The following ZBTB20 variants were observed in gnomAD, a reference collection of about 807,000 sequenced individuals.
ZBTB20 encodes zinc finger and BTB domain containing 20, also known as zinc finger and BTB domain-containing protein 20.
Under a neutral mutation model 56.9 loss-of-function variants are expected in ZBTB20, and 9 were observed. That is an observed-to-expected ratio of 0.16 (90% confidence interval 0.10 to 0.28). The LOEUF is 0.28. Ranked by LOEUF, ZBTB20 falls within the 10% of genes least tolerant of loss-of-function variation. The pLI is 1.00. For missense variants in ZBTB20, 655 were observed against 1,003.0 expected, an observed-to-expected ratio of 0.65 and a Z score of 4.69; for synonymous variants, 417 against 420.7, an observed-to-expected ratio of 0.99 and a Z score of 0.11.
At chr3:114,360,925 G>A (rs1474491255) in intron 10 of ZBTB20, among the ~76,000 whole-genome samples, 1 of 151,986 alleles carries the variant, frequency 6.6e-6, no homozygotes, top group African/African-American at 2.4e-5. Context: ...TGAAGAATAA[G>A]TGCTGTCAGA....
intron 5 of ZBTB20, among the ~76,000 whole-genome samples, chr3:114,709,940 T>G (rs1578459784): frequency 6.6e-6 from 1 of 152,184 alleles, no homozygotes; most frequent in South Asian, 2.1e-4. Flanking sequence ...ATGCCCTGAC[T>G]GCTCCTTACT....
At chr3:114,862,768 A>T (rs2075590779) in intron 4 of ZBTB20, among the ~76,000 whole-genome samples, 1 of 152,198 alleles carries the variant, frequency 6.6e-6, no homozygotes, top group Non-Finnish European at 1.5e-5. Flanking sequence ...TGAATTTTGA[A>T]ACACAACCTG....
At chr3:114,463,158 A>T (rs1010669312) in intron 7 of ZBTB20, among the ~76,000 whole-genome samples, 20 of 152,226 alleles carry the variant, frequency 1.3e-4, no homozygotes, top group African/African-American at 4.1e-4. Context: ...TGCCTTACCA[A>T]TCTTACAAAT....
chr3:115,146,501 G>A (rs1576847915), intron 1 of ZBTB20, among the ~76,000 whole-genome samples: 3 of 152,326 alleles, frequency 2.0e-5, no homozygotes, highest in South Asian at 2.1e-4. Flanking sequence ...ATCAAAAAGT[G>A]TTAACATGTT....
intron 5 of ZBTB20, among the ~76,000 whole-genome samples, chr3:114,746,140 C>A (rs1162361396): frequency 1.3e-5 from 2 of 152,190 alleles, no homozygotes; most frequent in Non-Finnish European, 2.9e-5. Context: ...AATTGAATAC[C>A]TACTGAAGCC....
intron 7 of ZBTB20, among the ~76,000 whole-genome samples, chr3:114,443,195 G>C (rs893895894): frequency 1.3e-5 from 2 of 152,088 alleles, no homozygotes; most frequent in Non-Finnish European, 2.9e-5. Flanking sequence ...GGCTGAAGAG[G>C]GAATCTATAA....
intron 6 of ZBTB20, among the ~76,000 whole-genome samples, chr3:114,662,396 T>A (rs1578214006): frequency 6.9e-6 from 1 of 145,386 alleles, no homozygotes; most frequent in East Asian, 2.0e-4. Flanking sequence ...GCAGCATGAT[T>A]TATAGTCCTT....
At chr3:114,432,039 C>T (rs573666997) in intron 7 of ZBTB20, among the ~76,000 whole-genome samples, 7 of 152,016 alleles carry the variant, frequency 4.6e-5, no homozygotes, top group Admixed American at 4.6e-4. Context: ...CTTTCTTATA[C>T]AGACAGCAGA....
intron 6 of ZBTB20, among the ~76,000 whole-genome samples, chr3:114,663,589 C>T (rs1398565038): frequency 1.3e-5 from 2 of 151,582 alleles, no homozygotes; most frequent in Non-Finnish European, 3.0e-5. Context: ...AAGACACAGA[C>T]TGGCAAGTTG....
intron 3 of ZBTB20, 170 bp from the exon 4 acceptor site, chr3:114,900,512 T>TATACACACACACACAC (rs549497546): frequency 6.9e-6 from 1 of 145,642 alleles, no homozygotes; most frequent in African/African-American, 2.5e-5. Context: ...TGAAAATATA[T>TATACACACACACACAC]ACACACACAC....
intron 7 of ZBTB20, among the ~76,000 whole-genome samples, chr3:114,441,616 C>T (rs936337211): frequency 4.6e-5 from 7 of 152,188 alleles, no homozygotes; most frequent in Middle Eastern, 3.4e-3. Flanking sequence ...GGGGACGACG[C>T]GCGGTGGAAT....
At chr3:114,490,768 T>C (rs2042657766) in intron 7 of ZBTB20, among the ~76,000 whole-genome samples, 2 of 152,380 alleles carry the variant, frequency 1.3e-5, no homozygotes, top group African/African-American at 2.4e-5. Flanking sequence ...CTCTCACATA[T>C]GTATGATGCA....
intron 6 of ZBTB20, among the ~76,000 whole-genome samples, chr3:114,689,181 C>A (rs2062544812): frequency 6.6e-6 from 1 of 152,136 alleles, no homozygotes; most frequent in Non-Finnish European, 1.5e-5. Flanking sequence ...CCAAAGTTCT[C>A]TCATTACGGT....
chr3:114,631,043 TA>T (rs1257307509), intron 6 of ZBTB20, among the ~76,000 whole-genome samples: 8 of 152,222 alleles, frequency 5.3e-5, no homozygotes, highest in African/African-American at 1.9e-4. Flanking sequence ...TAGAATATTT[TA>T]AAGTGACAGT....
intron 4 of ZBTB20, among the ~76,000 whole-genome samples, chr3:114,847,098 T>C (rs1019015099): frequency 2.0e-5 from 3 of 152,164 alleles, no homozygotes; most frequent in Admixed American, 2.0e-4. Flanking sequence ...ATGGTTTTAG[T>C]ACCACAACCA....
intron 3 of ZBTB20, among the ~76,000 whole-genome samples, chr3:114,962,266 A>C (rs2077481975): frequency 6.6e-6 from 1 of 152,088 alleles, no homozygotes; most frequent in African/African-American, 2.4e-5. Context: ...TTAAACCTAA[A>C]CTGTGGTTTA....
intron 2 of ZBTB20, among the ~76,000 whole-genome samples, chr3:115,061,866 T>C (rs546309619): frequency 1.3e-5 from 2 of 152,336 alleles, no homozygotes; most frequent in South Asian, 2.1e-4. Flanking sequence ...TGTGATTATA[T>C]CTGAGTATAT....
At chr3:114,981,974 C>T (rs2078347803) in intron 2 of ZBTB20, among the ~76,000 whole-genome samples, 2 of 152,094 alleles carry the variant, frequency 1.3e-5, no homozygotes, top group Middle Eastern at 6.8e-3. Context: ...GTGAATTGTT[C>T]ATAAGATGCT....
chr3:114,792,676 A>G (rs1165069749), intron 5 of ZBTB20, among the ~76,000 whole-genome samples: 1 of 152,072 alleles, frequency 6.6e-6, no homozygotes, highest in South Asian at 2.1e-4. Context: ...CAGTGCTCCT[A>G]AAGTTGGCAC....
Sources: allele counts gnomAD v4.1 joint callset (sites outside exome capture counted in the v4.1 genomes callset), GRCh38; gene constraint gnomAD v4.1.1; transcripts MANE v1.5; gene names NCBI Gene and HGNC (gene_info 2026-07-23, HGNC 2026-07-21).